Variants in NRG1 observed in about 807,000 individuals in gnomAD.
NRG1 encodes pro-neuregulin-1, membrane-bound isoform.
NRG1 carries 18 observed loss-of-function variants against 63.8 expected under a neutral mutation model. The observed-to-expected ratio is 0.28, with a 90% CI of 0.19 to 0.42. The LOEUF is 0.42. NRG1 is among the 10% of genes least tolerant of loss of function. NRG1 has a pLI of 1.00. For missense variants in NRG1, 762 were observed against 814.7 expected, an observed-to-expected ratio of 0.94 and a Z score of 0.79; for synonymous variants, 302 against 301.3, an observed-to-expected ratio of 1.00 and a Z score of -0.02.
chr8:31,853,184 C>G (rs1184696236), intron 1 of NRG1, among the ~76,000 whole-genome samples: 1 of 152,136 alleles, frequency 6.6e-6, no homozygotes, highest in East Asian at 1.9e-4. Context: ...GTCATTGAAT[C>G]TGTACATTAC....
rs113128076 is a variant in NRG1, at chr8:32,696,893, A to G, written c.503-31056A>G. On this transcript the variant is annotated intron_variant, in intron 5 of 11. Transcript: ENST00000356819. ...CAAGGCTGATCTCAAAACTCTTGAC[A>G]TCAGGTGATCCACCCACCTCGACTT... Among the ~76,000 whole-genome samples, 9 of 152,074 alleles carry G rather than the reference A, an allele frequency of 5.9e-5. 1 individual carries two copies. The highest frequency in any genetic ancestry group is 2.2e-4 in the African/African-American group (9 of 41,488).
At chr8:31,682,870 G>A (rs1340075096) in intron 1 of NRG1, among the ~76,000 whole-genome samples, 8 of 152,122 alleles carry the variant, frequency 5.3e-5, no homozygotes, top group Non-Finnish European at 1.2e-4. Flanking sequence ...AAAAACAAGT[G>A]AATGATAAGA....
At position 31,739,233 on chromosome 8, in the gene NRG1, C is replaced by G. The variant is rs78090045; in HGVS notation, c.37+99802C>G. On this transcript the variant is annotated intron_variant, in intron 1 of 10. Transcript: ENST00000519301. ...GAATTTGTCATGGCTGGTCTTCACG[C>G]GGCAAACCAATTATGTGACCACCCA... Among the ~76,000 whole-genome samples, 586 of 152,078 alleles carry G rather than the reference C, an allele frequency of 3.9e-3. 1 individual carries two copies. Among genetic ancestry groups the G allele is most frequent in the South Asian group, 0.018 (88 of 4,812 alleles).
At chr8:32,387,851 G>C (rs1295837403) in intron 1 of NRG1, among the ~76,000 whole-genome samples, 1 of 152,136 alleles carries the variant, frequency 6.6e-6, no homozygotes, top group Non-Finnish European at 1.5e-5. Flanking sequence ...AGTAGAGTGG[G>C]AGACTGAGTT....
chr8:31,908,850 G>T (rs1205983786), intron 1 of NRG1, among the ~76,000 whole-genome samples: 1 of 152,124 alleles, frequency 6.6e-6, no homozygotes, highest in East Asian at 1.9e-4. Flanking sequence ...TTCCAGAATA[G>T]ATGAGAAATG....
intron 1 of NRG1, among the ~76,000 whole-genome samples, chr8:32,094,363 C>T (rs879480713): frequency 6.6e-6 from 1 of 152,154 alleles, no homozygotes. Context: ...GCCCCATTAC[C>T]AAATACCACT....
chr8:32,037,233 A>G (rs550299400), intron 1 of NRG1, among the ~76,000 whole-genome samples: 4 of 152,278 alleles, frequency 2.6e-5, no homozygotes, highest in Admixed American at 6.5e-5. Flanking sequence ...TTCAGACCCT[A>G]TTCACCTGGG....
intron 5 of NRG1, among the ~76,000 whole-genome samples, chr8:32,696,980 A>G (rs1813524062): frequency 6.6e-6 from 1 of 152,174 alleles, no homozygotes. Context: ...CTATCTTTAA[A>G]GATGGTCTGC....
chr8:32,544,837 T>A (rs556383028), upstream of NRG1, among the ~76,000 whole-genome samples: 1 of 152,030 alleles, frequency 6.6e-6, no homozygotes, highest in African/African-American at 2.4e-5. Context: ...TATCACTTAG[T>A]TCAGTAAATG....
intron 1 of NRG1, among the ~76,000 whole-genome samples, chr8:32,049,132 A>G (rs1356735329): frequency 1.3e-5 from 2 of 152,142 alleles, no homozygotes; most frequent in Admixed American, 1.3e-4. Context: ...ACTTAAAGCC[A>G]GGTTCATTTG....
intron 1 of NRG1, among the ~76,000 whole-genome samples, chr8:31,732,094 T>C (rs1814139795): frequency 6.6e-6 from 1 of 152,136 alleles, no homozygotes; most frequent in African/African-American, 2.4e-5. Flanking sequence ...GTTGAAAGTT[T>C]TTTTCCATAA....
chr8:31,757,949 A>T (rs1280623156), intron 1 of NRG1, among the ~76,000 whole-genome samples: 1 of 151,630 alleles, frequency 6.6e-6, no homozygotes, highest in African/African-American at 2.4e-5. Flanking sequence ...CTCCTCTATC[A>T]CTCATAGAGG....
At chr8:32,545,840 G>A (rs1428661244), upstream of NRG1, among the ~76,000 whole-genome samples, 1 of 152,128 alleles carries the variant, frequency 6.6e-6, no homozygotes, top group African/African-American at 2.4e-5. Flanking sequence ...ATCTGGATAT[G>A]GTTCCAGAAA....
At chr8:32,214,332 G>A (rs977970133) in intron 1 of NRG1, among the ~76,000 whole-genome samples, 1 of 152,058 alleles carries the variant, frequency 6.6e-6, no homozygotes, top group African/African-American at 2.4e-5. Context: ...TTAAACCATA[G>A]TTTTCAACAA....
chr8:32,421,019 A>T (rs1231272704), intron 1 of NRG1, among the ~76,000 whole-genome samples: 2 of 152,134 alleles, frequency 1.3e-5, no homozygotes, highest in Admixed American at 6.6e-5. Context: ...TTCTGCCATG[A>T]TTGCAAGTTT....
intron 1 of NRG1, among the ~76,000 whole-genome samples, chr8:31,867,331 A>G (rs982003452): frequency 6.6e-6 from 1 of 152,096 alleles, no homozygotes; most frequent in African/African-American, 2.4e-5. Context: ...ATGTTCTTTT[A>G]TTATTATTAA....
At chr8:32,540,110 G>C (rs58479114) in intron 1 of NRG1, among the ~76,000 whole-genome samples, 3 of 152,152 alleles carry the variant, frequency 2.0e-5, no homozygotes, top group African/African-American at 4.8e-5. Context: ...TGGTTTCTTC[G>C]ATAGAAAGGG....
chr8:32,742,776 C>G lies in NRG1; in HGVS notation c.691+43C>G, dbSNP rs1218015072. 1 of 1,613,536 alleles carries G rather than the reference C, an allele frequency of 6.2e-7. No homozygotes were observed. Among genetic ancestry groups the G allele is most frequent in the African/African-American group, 1.3e-5 (1 of 75,004 alleles). The stretch of plus-strand genomic sequence containing the variant: ...CTGTCTCTGCCTGAATAGGAGCATG[C>G]TCAGTTGGTGCTGCTTTCTTGTTGC... On this transcript the variant is annotated intron_variant, in intron 7 of 11. Transcript: ENST00000356819. The surrounding 1 kb of genome is among the most constrained non-coding windows in gnomAD (Gnocchi z 4.2).
chr8:31,644,068 G>A (rs1233493249), intron 1 of NRG1, among the ~76,000 whole-genome samples: 1 of 152,164 alleles, frequency 6.6e-6, no homozygotes, highest in African/African-American at 2.4e-5. Context: ...TTAATAAAGT[G>A]TGCTAACCTT....
Sources: gnomAD v4.1 joint callset for allele counts (sites outside exome capture counted in the v4.1 genomes callset) on GRCh38, gnomAD v4.1.1 for gene constraint, Gnocchi (gnomAD v3.1) non-coding constraint, MANE v1.5 for transcripts, NCBI Gene and HGNC (gene_info 2026-07-23, HGNC 2026-07-21) for gene names.